Variants in FANCB observed in about 807,000 individuals in gnomAD.
The protein encoded by FANCB is Fanconi anemia group B protein.
Under a neutral mutation model 38.9 loss-of-function variants are expected in FANCB, and 5 were observed. The ratio of observed to expected loss-of-function variants is 0.13; its 90% CI spans 0.07 to 0.27. The LOEUF is 0.27. Ranked by LOEUF, FANCB falls within the 10% of genes least tolerant of loss-of-function variation. The pLI is 1.00. For synonymous variants in FANCB, 236 were observed against 215.4 expected, an observed-to-expected ratio of 1.10 and a Z score of -0.84; for missense variants, 573 against 602.7, an observed-to-expected ratio of 0.95 and a Z score of 0.52.
chrX:14,775,686 T>TAAAAC, the FANCB span, among the ~76,000 whole-genome samples: 2 of 111,597 alleles, frequency 1.8e-5, no homozygotes, highest in Non-Finnish European at 3.8e-5. Context: ...CAGAACAATA[T>TAAAAC]AAAACAAAAC....
the FANCB span, among the ~76,000 whole-genome samples, chrX:14,747,902 G>A: frequency 3.6e-5 from 4 of 111,906 alleles, no homozygotes; most frequent in Admixed American, 3.8e-4. Flanking sequence ...AATTGGAAAA[G>A]GGCTCCTTTA....
the FANCB span, among the ~76,000 whole-genome samples, chrX:14,766,898 C>T: frequency 0.51 from 55,666 of 109,402 alleles, 10,711 homozygotes; most frequent in Non-Finnish European, 0.59. Context: ...CATGTGTCCA[C>T]GTGTTCTTGT....
the FANCB span, among the ~76,000 whole-genome samples, chrX:14,736,863 T>C: frequency 9.0e-6 from 1 of 111,694 alleles, no homozygotes; most frequent in Admixed American, 9.5e-5. Context: ...GAAGTATTAG[T>C]GGCCATTGTG....
intron 7 of FANCB, among the ~76,000 whole-genome samples, chrX:14,846,994 T>TG (rs1396586825): frequency 3.6e-5 from 4 of 109,925 alleles, no homozygotes; most frequent in East Asian, 2.8e-4. Context: ...CTGATAATTT[T>TG]GGGGGGGTAA....
chrX:14,794,467 C>A, the FANCB span, among the ~76,000 whole-genome samples: 4 of 111,752 alleles, frequency 3.6e-5, no homozygotes, highest in African/African-American at 1.3e-4. Flanking sequence ...AAAATTGGAG[C>A]TACATATATT....
chrX:14,822,071 C>CTCAGG, the FANCB span, among the ~76,000 whole-genome samples: 1 of 111,349 alleles, frequency 9.0e-6, no homozygotes, highest in Non-Finnish European at 1.9e-5. Context: ...GACTAGAGTG[C>CTCAGG]AAGAGGATTC....
At chrX:14,763,501 A>G in the FANCB span, among the ~76,000 whole-genome samples, 1 of 111,957 alleles carries the variant, frequency 8.9e-6, no homozygotes, top group Non-Finnish European at 1.9e-5. Flanking sequence ...AAATCAGGGC[A>G]GGGTTACCAT....
At chrX:14,859,144 G>C in intron 4 of FANCB, 38 bp downstream of exon 4, 1 of 1,000,240 alleles carries the variant, frequency 1.0e-6, no homozygotes, top group Non-Finnish European at 1.4e-6. Context: ...TTCTAAAATG[G>C]TTCTTAAAAT....
the FANCB span, chrX:14,731,202 G>T: frequency 8.9e-6 from 1 of 111,889 alleles, no homozygotes; most frequent in Non-Finnish European, 1.9e-5. Flanking sequence ...GTCCATATAG[G>T]TGTGCATTTT....
chrX:14,813,881 C>A, the FANCB span, among the ~76,000 whole-genome samples: 1 of 111,192 alleles, frequency 9.0e-6, no homozygotes, highest in East Asian at 2.8e-4. Context: ...AATCCTAAGC[C>A]AAAAGAACAA....
chrX:14,771,077 A>T, the FANCB span, among the ~76,000 whole-genome samples: 2 of 110,174 alleles, frequency 1.8e-5, no homozygotes, highest in Admixed American at 1.9e-4. Flanking sequence ...TTTTTCTTTC[A>T]TTTTGACCAA....
the FANCB span, among the ~76,000 whole-genome samples, chrX:14,691,557 G>T: frequency 2.7e-5 from 3 of 111,146 alleles, no homozygotes; most frequent in African/African-American, 9.8e-5. Context: ...TCCCAAACTT[G>T]CCTGCACATT....
the FANCB span, chrX:14,690,881 G>A: frequency 8.3e-7 from 1 of 1,201,666 alleles, no homozygotes; most frequent in African/African-American, 1.7e-5. Context: ...CCTCAGTTCA[G>A]ACAATGTAGA....
the FANCB span, among the ~76,000 whole-genome samples, chrX:14,814,186 A>C: frequency 3.6e-5 from 4 of 111,966 alleles, no homozygotes; most frequent in African/African-American, 1.3e-4. Flanking sequence ...AAGATGGATT[A>C]AAGACTTAAA....
the FANCB span, among the ~76,000 whole-genome samples, chrX:14,815,126 C>T: frequency 3.6e-4 from 40 of 110,626 alleles, no homozygotes; most frequent in South Asian, 2.3e-3. Context: ...ACAATGGGAA[C>T]AGTTGGACAC....
the FANCB span, among the ~76,000 whole-genome samples, chrX:14,795,850 T>C: frequency 8.9e-6 from 1 of 111,759 alleles, no homozygotes; most frequent in African/African-American, 3.3e-5. Flanking sequence ...GATCCAGCCA[T>C]ACAGCTTGCT....
At chrX:14,800,192 A>C in the FANCB span, among the ~76,000 whole-genome samples, 5 of 111,968 alleles carry the variant, frequency 4.5e-5, no homozygotes, top group South Asian at 1.1e-3. Context: ...GGTATACAGG[A>C]AGGATCTATG....
intron 1 of FANCB, among the ~76,000 whole-genome samples, chrX:14,869,532 T>C (rs764738634): frequency 3.6e-4 from 40 of 111,853 alleles, no homozygotes; most frequent in Non-Finnish European, 4.7e-4. Flanking sequence ...GGTAAAAGCT[T>C]CTTAATTAGT....
chrX:14,849,746 T>C (rs762481381), intron 7 of FANCB, among the ~76,000 whole-genome samples: 2 of 112,148 alleles, frequency 1.8e-5, no homozygotes, highest in Non-Finnish European at 3.8e-5. Context: ...TGCTGTTTGA[T>C]TATCTTCACC....
Sources: gnomAD v4.1 joint callset for allele counts (sites outside exome capture counted in the v4.1 genomes callset) on GRCh38, gnomAD v4.1.1 for gene constraint, MANE v1.5 for transcripts, NCBI Gene and HGNC (gene_info 2026-07-23, HGNC 2026-07-21) for gene names.